Variants in PPP4R1 observed in about 807,000 individuals in gnomAD.
PPP4R1 encodes protein phosphatase 4 regulatory subunit 1.
In PPP4R1, 42 loss-of-function variants were observed where a neutral mutation model predicts 111.2. That is an observed-to-expected ratio of 0.38 (90% CI 0.29 to 0.49). The LOEUF (loss-of-function observed/expected upper bound fraction) is 0.49. Among genes scored for constraint, PPP4R1 ranks in the 20% least tolerant of loss-of-function variants. The pLI, the probability that PPP4R1 is intolerant of heterozygous loss-of-function variation, is 0.97. For missense variants in PPP4R1, 1,012 were observed against 1,161.6 expected (o/e 0.87, Z 1.87); for synonymous variants, 409 against 405.5 (o/e 1.01, Z -0.10).
intron 16 of PPP4R1, 191 bp from the exon 17 acceptor site, chr18:9,550,589 A>G (rs2066473411): frequency 1.6e-6 from 1 of 629,834 alleles, no homozygotes; most frequent in Non-Finnish European, 2.7e-6. Context: ...ATGCACTTAC[A>G]TGCTATTCAA....
At chr18:9,575,618 T>C (rs996412637) in intron 10 of PPP4R1, among the ~76,000 whole-genome samples, 9 of 152,170 alleles carry the variant, frequency 5.9e-5, no homozygotes, top group Non-Finnish European at 1.0e-4. Context: ...AATCAAGGAA[T>C]TGAACTACCT....
rs577906925 is a variant in PPP4R1 at position 9,555,953 on chromosome 18, G to A, written c.2190+1268C>T. Among the ~76,000 whole-genome samples the A allele has an allele frequency of 3.9e-3, 591 of 150,662 alleles. 2 individuals are homozygous for A. Among genetic ancestry groups the A allele is most frequent in the African/African-American group, 0.011 (441 of 41,080 alleles). On this transcript the variant is annotated intron_variant, in intron 15 of 19. Coordinates refer to ENST00000400556, the MANE Select transcript of PPP4R1 (RefSeq NM_001042388.3). The stretch of plus-strand genomic sequence containing the variant: ...AGATCAAGACCATCCTGGCCAACAC[G>A]GTGAAACCCCATCTCTACTAAAACA...
intron 8 of PPP4R1, among the ~76,000 whole-genome samples, chr18:9,583,568 T>G (rs2067066666): frequency 6.6e-6 from 1 of 151,710 alleles, no homozygotes; most frequent in Admixed American, 6.6e-5. Flanking sequence ...GGGTTCACCA[T>G]GTTGGCCAGG....
upstream of PPP4R1, chr18:9,615,464 T>A (rs544157534): frequency 2.0e-5 from 3 of 152,410 alleles, no homozygotes; most frequent in African/African-American, 7.2e-5. Context: ...AGGGTGCCTA[T>A]GATTCGCTTT....
At chr18:9,595,250 C>T (rs1598948372) in intron 2 of PPP4R1, 97 bp from the exon 3 acceptor site, 2 of 1,096,682 alleles carry the variant, frequency 1.8e-6, no homozygotes. Context: ...TGGAATGGTA[C>T]AAAAAAAAAA....
intron 4 of PPP4R1, among the ~76,000 whole-genome samples, chr18:9,591,193 C>A (rs2067205818): frequency 6.6e-6 from 1 of 151,628 alleles, no homozygotes; most frequent in African/African-American, 2.4e-5. Flanking sequence ...ACTAAAAATA[C>A]AAAAATTAGG....
In PPP4R1 at chr18:9,570,137, A is replaced by G. The variant is rs537667023; in HGVS notation, c.1573+20T>C. 16 of 1,481,660 alleles carry G rather than the reference A, an allele frequency of 1.1e-5. 1 individual carries two copies. In the South Asian group the frequency reaches 2.4e-4, roughly 22 times the overall value. 91.8% of individuals were successfully genotyped at this position (1,481,660 alleles called of 1,614,324 possible). On this transcript the variant is annotated intron_variant, in intron 11 of 19. Coordinates refer to ENST00000400556, the MANE Select transcript of PPP4R1 (RefSeq NM_001042388.3). Reference sequence around the variant, plus strand: ...ATTTTTAATCAATTTCAGAATAAATAACTTGATTGACTTCCATACCTTTAA... The same window carrying G: ...ATTTTTAATCAATTTCAGAATAAATGACTTGATTGACTTCCATACCTTTAA...
chr18:9,581,915 T>C (rs2067035842), intron 9 of PPP4R1, among the ~76,000 whole-genome samples: 1 of 152,134 alleles, frequency 6.6e-6, no homozygotes, highest in South Asian at 2.1e-4. Context: ...TCTGAGGCAG[T>C]GGCATAACAC....
chr18:9,604,280 C>A (rs1474464295), intron 2 of PPP4R1, among the ~76,000 whole-genome samples: 1 of 152,130 alleles, frequency 6.6e-6, no homozygotes, highest in Non-Finnish European at 1.5e-5. Flanking sequence ...TCCCAGCCTC[C>A]CCTCATTCGA....
At chr18:9,604,882 T>C (rs1053283561) in intron 2 of PPP4R1, among the ~76,000 whole-genome samples, 19 of 152,178 alleles carry the variant, frequency 1.2e-4, no homozygotes, top group African/African-American at 4.1e-4. Context: ...ATGTAGTCCA[T>C]AGGGATAATT....
chr18:9,601,699 C>T (rs2067386064), intron 2 of PPP4R1, among the ~76,000 whole-genome samples: 1 of 151,998 alleles, frequency 6.6e-6, no homozygotes, highest in Non-Finnish European at 1.5e-5. Flanking sequence ...CACCATGTTG[C>T]CCAGGTTGGT....
At chr18:9,562,127 T>C (rs2066689132) in intron 12 of PPP4R1, 52 bp from the exon 13 acceptor site, 3 of 1,357,726 alleles carry the variant, frequency 2.2e-6, no homozygotes, top group Non-Finnish European at 3.2e-6. Context: ...TACATCTTCA[T>C]TTAAGCTATC....
rs1439643125 is a variant in PPP4R1 at position 9,561,985 on chromosome 18, C to T, written c.1837G>A (p.Val613Ile). 6.2e-7 allele frequency: 1 copy of T among 1,608,232 alleles called. No homozygotes were observed. The highest frequency in any genetic ancestry group is 8.5e-7 in the Non-Finnish European group (1 of 1,174,876). Residue 613 changes from valine (V) to isoleucine (I), a missense_variant, in exon 13 of 20, where the codon GTA becomes ATA. By Grantham distance (29) the Val-to-Ile change is conservative. Around this residue, in one of 2 missense-constraint regions of PPP4R1, gnomAD observed 305 missense variants for 419.5 expected, o/e 0.73. Transcript: ENST00000400556. ...FSPDEERRTK[V>I]QDVVPQALLD... is the part of the protein sequence containing the mutation. ...CACATTTTTTGGTCACTTACTTGTA[C>T]TTTAGTTCTCCTTTCCTCATCAGGG... is the stretch of plus-strand genomic sequence containing the variant.
intron 6 of PPP4R1, among the ~76,000 whole-genome samples, chr18:9,585,526 G>GT (rs1410689206): frequency 1.3e-5 from 2 of 152,134 alleles, no homozygotes; most frequent in Admixed American, 1.3e-4. Flanking sequence ...TTTATCAATT[G>GT]TATCAATTGC....
intron 10 of PPP4R1, among the ~76,000 whole-genome samples, chr18:9,573,548 C>T (rs1385481416): frequency 6.6e-6 from 1 of 152,088 alleles, no homozygotes. Flanking sequence ...ATGGGTAAAA[C>T]TTGTAAGACC....
chr18:9,565,289 C>T (rs1568095322), intron 11 of PPP4R1, among the ~76,000 whole-genome samples: 1 of 152,108 alleles, frequency 6.6e-6, no homozygotes, highest in Non-Finnish European at 1.5e-5. Flanking sequence ...ACAGCTCTAC[C>T]GACTTTCTTT....
chr18:9,565,669 C>T lies in PPP4R1; in HGVS notation c.1574-2119G>A, dbSNP rs569726198. 3.0e-4 allele frequency among the ~76,000 whole-genome samples: 46 copies of T among 152,308 alleles called. 1 individual carries two copies. In the South Asian group the frequency reaches 7.5e-3, roughly 25 times the overall value. ...AACCAGCCACAACGTTCTCTTAAGC[C>T]GAAGTCTAACTCAGAGCAAGGCCCT... On this transcript the variant is annotated intron_variant, in intron 11 of 19. Coordinates refer to ENST00000400556, the MANE Select transcript of PPP4R1 (RefSeq NM_001042388.3).
chr18:9,565,290 G>A (rs530559283), intron 11 of PPP4R1, among the ~76,000 whole-genome samples: 5 of 152,116 alleles, frequency 3.3e-5, no homozygotes, highest in Non-Finnish European at 7.3e-5. Flanking sequence ...CAGCTCTACC[G>A]ACTTTCTTTA....
Position 9,577,066 on chromosome 18 carries a change from A to C in PPP4R1, c.1044T>G (p.Asn348Lys), listed in dbSNP as rs1054940230. The change falls in exon 10 of 20, where the codon AAT (asparagine) becomes AAG (lysine). Residue 348 changes from asparagine to lysine, a missense_variant and splice_region_variant. Around this residue, in one of 2 missense-constraint regions of PPP4R1, gnomAD observed 707 missense variants for 742.1 expected, o/e 0.95. Transcript: ENST00000400556. The part of the protein sequence containing the change: ...SSEEMSVENK[N>K]RTRDQEAPED... ...AGAAAATGGTTTCAAAATTATACCT[A>C]TTTTTGTTTTCTACTGACATCTCTT... 2 of 1,544,192 alleles carry C rather than the reference A, an allele frequency of 1.3e-6. No individual in the cohort carries two copies. The highest frequency in any genetic ancestry group is 1.7e-6 in the Non-Finnish European group (2 of 1,143,720).
Sources: allele counts gnomAD v4.1 joint callset (sites outside exome capture counted in the v4.1 genomes callset), GRCh38; gene constraint gnomAD v4.1.1; regional missense constraint gnomAD v4.1.1; transcripts MANE v1.5; gene names NCBI Gene and HGNC (gene_info 2026-07-23, HGNC 2026-07-21).